The following SLC39A11 variants were observed in gnomAD, a reference collection of about 807,000 sequenced individuals.
The protein encoded by SLC39A11 is zinc transporter ZIP11.
In SLC39A11, 33 loss-of-function variants were observed where a neutral mutation model predicts 36.1. That is an observed-to-expected ratio of 0.91 (90% confidence interval 0.69 to 1.22). The LOEUF (loss-of-function observed/expected upper bound fraction) is 1.22, where lower values mean the gene tolerates loss of function less well. Ranked by LOEUF, SLC39A11 falls within the 50% of genes most tolerant of loss-of-function variation. SLC39A11 has a pLI of 0.00. For synonymous variants in SLC39A11, 166 were observed against 170.3 expected (o/e 0.97, Z 0.20); for missense variants, 432 against 430.3 (o/e 1.00, Z -0.03).
In SLC39A11 at chr17:73,006,979, G is replaced by A. The variant is rs116455490; in HGVS notation, c.306+24577C>T. ...AGCAAATCAGTTTCAGGGCCCCTCC[G>A]TGTCAGGCTCTGTGCCAGGCGCTGG... is the stretch of plus-strand genomic sequence containing the variant. On this transcript the variant is annotated intron_variant, in intron 4 of 9. Coordinates refer to ENST00000255559, the MANE Select transcript of SLC39A11 (RefSeq NM_139177.4). 6.4e-3 allele frequency among the ~76,000 whole-genome samples: 967 copies of A among 152,256 alleles called. 10 individuals are homozygous for A. The highest frequency in any genetic ancestry group is 0.022 in the African/African-American group (896 of 41,540).
At chr17:72,668,768 G>C (rs1386451588) in intron 7 of SLC39A11, among the ~76,000 whole-genome samples, 1 of 152,178 alleles carries the variant, frequency 6.6e-6, no homozygotes, top group Non-Finnish European at 1.5e-5. Flanking sequence ...CATCAACTCA[G>C]AGCTGAGACT....
At chr17:72,783,015 A>AAAG (rs2076378884) in intron 6 of SLC39A11, among the ~76,000 whole-genome samples, 1 of 151,446 alleles carries the variant, frequency 6.6e-6, no homozygotes, top group East Asian at 1.9e-4. Context: ...AAAAAAAAAA[A>AAAG]AAAAAAAGAA....
chr17:72,875,251 A>G (rs976828000), intron 5 of SLC39A11, among the ~76,000 whole-genome samples: 1 of 152,222 alleles, frequency 6.6e-6, no homozygotes, highest in Non-Finnish European at 1.5e-5. Flanking sequence ...TTAATTCATC[A>G]TTATTGAATT....
At chr17:73,020,276 T>C (rs1316320063) in intron 4 of SLC39A11, among the ~76,000 whole-genome samples, 1 of 152,206 alleles carries the variant, frequency 6.6e-6, no homozygotes, top group African/African-American at 2.4e-5. Context: ...CATGAAGTCA[T>C]GAGGATGGGA....
chr17:73,052,948 GC>G (rs1209159243), intron 3 of SLC39A11, among the ~76,000 whole-genome samples: 4 of 152,222 alleles, frequency 2.6e-5, no homozygotes, highest in African/African-American at 9.6e-5. Flanking sequence ...TGATCAGCCT[GC>G]CTCAGCCTCC....
intron 6 of SLC39A11, among the ~76,000 whole-genome samples, chr17:72,833,517 G>T (rs968456717): frequency 6.6e-6 from 1 of 152,170 alleles, no homozygotes; most frequent in Admixed American, 6.6e-5. Context: ...AGGCATTGGG[G>T]GATGAACAGG....
At chr17:72,744,747 C>T (rs1334762370) in intron 6 of SLC39A11, among the ~76,000 whole-genome samples, 2 of 152,130 alleles carry the variant, frequency 1.3e-5, no homozygotes, top group African/African-American at 4.8e-5. Context: ...GGCATTAATC[C>T]CACTCATGAG....
chr17:72,782,659 G>A (rs1432207417), intron 6 of SLC39A11, among the ~76,000 whole-genome samples: 1 of 128,984 alleles, frequency 7.8e-6, no homozygotes, highest in Non-Finnish European at 1.5e-5. Context: ...CTTCACTCCA[G>A]CCTGGGCGAC....
chr17:72,799,917 C>T (rs1468706860), intron 6 of SLC39A11, among the ~76,000 whole-genome samples: 2 of 151,894 alleles, frequency 1.3e-5, no homozygotes, highest in African/African-American at 4.8e-5. Flanking sequence ...ACACCCCCTC[C>T]CCTTTTGAAA....
At chr17:73,006,583 C>T (rs534779035) in intron 4 of SLC39A11, among the ~76,000 whole-genome samples, 5 of 152,140 alleles carry the variant, frequency 3.3e-5, no homozygotes, top group Non-Finnish European at 7.4e-5. Context: ...TTAGTTCACC[C>T]GACCACCTGA....
chr17:73,090,515 C>G (rs934302700), intron 1 of SLC39A11, among the ~76,000 whole-genome samples: 2 of 152,216 alleles, frequency 1.3e-5, no homozygotes, highest in Non-Finnish European at 2.9e-5. Context: ...ACCATTACAC[C>G]AATCATCTAT....
chr17:72,907,208 C>T (rs901538873), intron 5 of SLC39A11, among the ~76,000 whole-genome samples: 5 of 152,278 alleles, frequency 3.3e-5, no homozygotes, highest in African/African-American at 7.2e-5. Flanking sequence ...ATGAGTCACG[C>T]GCTGGGTGCG....
chr17:73,084,940 C>A (rs1332198630), intron 2 of SLC39A11, 94 bp from the exon 3 acceptor site: 7 of 1,261,790 alleles, frequency 5.5e-6, no homozygotes, highest in Non-Finnish European at 6.9e-6. Context: ...AAGAGCCACG[C>A]AAATAAAGAC....
rs74343794 is a variant in SLC39A11, at chr17:72,888,383, C to T, written c.431-38579G>A. On this transcript the variant is annotated intron_variant, in intron 5 of 9. Transcript: ENST00000255559. ...GAACCTTCATAGATCTGAACAAAGCCACTCAAAAGAGCCTAAACACATGGC... is the reference window on the plus strand; with the variant it reads ...GAACCTTCATAGATCTGAACAAAGCTACTCAAAAGAGCCTAAACACATGGC... Among the ~76,000 whole-genome samples, 299 of 152,248 alleles carry T rather than the reference C, an allele frequency of 2.0e-3. 1 individual carries two copies. The highest frequency in any genetic ancestry group is 6.9e-3 in the African/African-American group (287 of 41,544).
chr17:72,986,061 T>C (rs1427178745), intron 4 of SLC39A11, among the ~76,000 whole-genome samples: 2 of 152,172 alleles, frequency 1.3e-5, no homozygotes, highest in Non-Finnish European at 2.9e-5. Context: ...AGGAGGCACA[T>C]GGCCCTGCTG....
chr17:72,947,959 A>G, intron 4 of SLC39A11, 84 bp from the exon 5 acceptor site: 1 of 1,557,494 alleles, frequency 6.4e-7, no homozygotes, highest in East Asian at 2.2e-5. Flanking sequence ...CGCCAAGGCA[A>G]CTTGCCAGTC....
At chr17:72,753,438 C>T (rs1003306840) in intron 6 of SLC39A11, among the ~76,000 whole-genome samples, 13 of 152,230 alleles carry the variant, frequency 8.5e-5, no homozygotes, top group East Asian at 7.7e-4. Flanking sequence ...GGCAATTATA[C>T]GATATGATTA....
chr17:73,018,242 T>C (rs1164618781), intron 4 of SLC39A11, among the ~76,000 whole-genome samples: 1 of 152,072 alleles, frequency 6.6e-6, no homozygotes, highest in East Asian at 1.9e-4. Context: ...ATGTCCAATA[T>C]ACAATAAAAA....
intron 7 of SLC39A11, among the ~76,000 whole-genome samples, chr17:72,668,752 A>G (rs751784853): frequency 2.0e-5 from 3 of 152,254 alleles, no homozygotes; most frequent in Non-Finnish European, 4.4e-5. Context: ...CACAGTGTTC[A>G]GAGCCCATCA....
Sources: allele counts gnomAD v4.1 joint callset (sites outside exome capture counted in the v4.1 genomes callset), GRCh38; gene constraint gnomAD v4.1.1; transcripts MANE v1.5; gene names NCBI Gene and HGNC (gene_info 2026-07-23, HGNC 2026-07-21).